The following DOCK9 variants were observed in gnomAD, a reference collection of about 807,000 sequenced individuals.
The protein encoded by DOCK9 is dedicator of cytokinesis protein 9.
In DOCK9, 89 loss-of-function variants were observed where a neutral mutation model predicts 263.3. The observed-to-expected ratio is 0.34, with a 90% CI of 0.28 to 0.40. The LOEUF is 0.40. Ranked by LOEUF, DOCK9 falls within the 10% of genes least tolerant of loss-of-function variation. DOCK9 has a pLI of 1.00. For missense variants in DOCK9, 2,140 were observed against 2,603.4 expected, an observed-to-expected ratio of 0.82 and a Z score of 3.87; for synonymous variants, 976 against 973.1, an observed-to-expected ratio of 1.00 and a Z score of -0.06.
chr13:99,049,443 CA>C (rs1056145755), intron 1 of DOCK9, among the ~76,000 whole-genome samples: 5 of 151,354 alleles, frequency 3.3e-5, no homozygotes, highest in African/African-American at 1.2e-4. Context: ...GTCCCAGCTA[CA>C]AAAAAAGGAA....
At chr13:98,909,954 A>C (rs2049744051) in intron 9 of DOCK9, among the ~76,000 whole-genome samples, 1 of 152,202 alleles carries the variant, frequency 6.6e-6, no homozygotes, top group African/African-American at 2.4e-5. Flanking sequence ...ACAAAGTTAA[A>C]AGGTAAAAGG....
intron 1 of DOCK9, among the ~76,000 whole-genome samples, chr13:98,991,775 G>A (rs1049649535): frequency 9.9e-5 from 15 of 151,858 alleles, no homozygotes; most frequent in African/African-American, 2.9e-4. Context: ...CTAGGCAGTC[G>A]ACTTTCCAAT....
chr13:98,795,318 G>T (rs1417951138), intron 52 of DOCK9, among the ~76,000 whole-genome samples: 1 of 152,130 alleles, frequency 6.6e-6, no homozygotes, highest in Non-Finnish European at 1.5e-5. Context: ...GGGAGAGGGT[G>T]GCTACTCCTC....
chr13:98,846,663 G>A lies in DOCK9; in HGVS notation c.4062-603C>T, dbSNP rs139159781. 38 of 795,376 alleles carry A rather than the reference G, an allele frequency of 4.8e-5. No individual in the cohort carries two copies. In the African/African-American group the frequency reaches 6.3e-4, roughly 13 times the overall value. 49.3% of individuals were successfully genotyped at this position (795,376 alleles called of 1,614,324 possible). A position where few individuals can be genotyped will look rare whatever the true frequency, so the allele number is the denominator to read the frequency against. Reference sequence around the variant, plus strand: ...CCAGAGCAGATGAAAATGAGACCAGGGCTGCAATGACACCTGTCCCCTGTC... The same window carrying A: ...CCAGAGCAGATGAAAATGAGACCAGAGCTGCAATGACACCTGTCCCCTGTC... On this transcript the variant is annotated intron_variant, in intron 37 of 52. Coordinates refer to ENST00000682017, the MANE Select transcript of DOCK9 (RefSeq NM_001366683.2).
At chr13:98,882,899 C>T (rs2045045373) in intron 23 of DOCK9, 143 bp downstream of exon 23, 1 of 647,844 alleles carries the variant, frequency 1.5e-6, no homozygotes, top group Non-Finnish European at 2.7e-6. Flanking sequence ...CTTCTTACCA[C>T]TATCTAAACC....
chr13:98,952,812 G>T (rs181504080), intron 2 of DOCK9, among the ~76,000 whole-genome samples: 7 of 152,258 alleles, frequency 4.6e-5, no homozygotes, highest in Admixed American at 3.3e-4. Flanking sequence ...GGCAGAAATG[G>T]ACACCAAGTT....
chr13:98,832,555 T>C (rs934108474), intron 39 of DOCK9, among the ~76,000 whole-genome samples: 2 of 152,214 alleles, frequency 1.3e-5, no homozygotes, highest in Non-Finnish European at 2.9e-5. Flanking sequence ...GATTTCCTCA[T>C]GTCAGTAGAA....
intron 45 of DOCK9, among the ~76,000 whole-genome samples, chr13:98,819,009 T>A (rs117143284): frequency 0.034 from 5,218 of 152,358 alleles, 127 homozygotes; most frequent in Middle Eastern, 0.088. Flanking sequence ...CATTTGGGAA[T>A]AACTGCAAAT....
intron 27 of DOCK9, among the ~76,000 whole-genome samples, chr13:98,876,841 A>C (rs781152639): frequency 4.7e-4 from 71 of 152,202 alleles, no homozygotes; most frequent in Non-Finnish European, 9.6e-4. Flanking sequence ...TAAAAGTGAA[A>C]ATGTTGAACC....
At chr13:98,826,690 G>T in intron 44 of DOCK9, 140 bp downstream of exon 44, 2 of 654,884 alleles carry the variant, frequency 3.1e-6, no homozygotes, top group Non-Finnish European at 2.6e-6. Context: ...CAAACATCAC[G>T]CCAGGGGATA....
chr13:99,062,224 G>T (rs1193810310), intron 1 of DOCK9, among the ~76,000 whole-genome samples: 1 of 152,140 alleles, frequency 6.6e-6, no homozygotes, highest in Non-Finnish European at 1.5e-5. Flanking sequence ...CATCTGACAA[G>T]CCAACTTCTT....
intron 1 of DOCK9, among the ~76,000 whole-genome samples, chr13:99,077,130 C>G (rs2041940560): frequency 6.6e-6 from 1 of 152,040 alleles, no homozygotes; most frequent in Non-Finnish European, 1.5e-5. Context: ...GTTTGTATCC[C>G]AAGGGCAATG....
At chr13:98,861,286 G>A (rs1175797989) in intron 32 of DOCK9, among the ~76,000 whole-genome samples, 7 of 152,170 alleles carry the variant, frequency 4.6e-5, no homozygotes, top group African/African-American at 1.7e-4. Flanking sequence ...GTAATTGGAG[G>A]TGAAGAGGTA....
chr13:98,916,333 T>C (rs1440641627), intron 7 of DOCK9, among the ~76,000 whole-genome samples: 1 of 152,158 alleles, frequency 6.6e-6, no homozygotes, highest in East Asian at 1.9e-4. Context: ...TCTCCCCAGG[T>C]TGGCCGCAGT....
At chr13:98,997,256 C>T (rs1194205389) in intron 1 of DOCK9, among the ~76,000 whole-genome samples, 1 of 152,238 alleles carries the variant, frequency 6.6e-6, no homozygotes, top group Non-Finnish European at 1.5e-5. Context: ...AGCTGTGGCC[C>T]TCTGTGGATC....
chr13:99,086,625 G>T (rs2042350600), exon 1 of DOCK9: 1 of 146,828 alleles, frequency 6.8e-6, no homozygotes, highest in Admixed American at 6.8e-5. Flanking sequence ...TGCGTGTGGC[G>T]GCGGCGGCTC....
chr13:98,871,403 G>C (rs1207364439), intron 27 of DOCK9, among the ~76,000 whole-genome samples: 1 of 152,230 alleles, frequency 6.6e-6, no homozygotes, highest in Non-Finnish European at 1.5e-5. Context: ...CATTAGTGCT[G>C]TTCAGTGACT....
At chr13:98,888,808 T>C (rs1368350935) in intron 15 of DOCK9, 97 bp from the exon 16 acceptor site, 2 of 1,060,580 alleles carry the variant, frequency 1.9e-6, no homozygotes, top group African/African-American at 1.6e-5. Context: ...AAGCAAGCCA[T>C]AAAGACAATT....
At chr13:98,888,745 G>A (rs370296163) in intron 15 of DOCK9, 34 bp from the exon 16 acceptor site, 134 of 1,572,458 alleles carry the variant, frequency 8.5e-5, no homozygotes, top group Middle Eastern at 1.8e-4. Flanking sequence ...TTAAACATTC[G>A]TAAGTTAACT....
Sources: allele counts gnomAD v4.1 joint callset (sites outside exome capture counted in the v4.1 genomes callset), GRCh38; gene constraint gnomAD v4.1.1; transcripts MANE v1.5; gene names NCBI Gene and HGNC (gene_info 2026-07-23, HGNC 2026-07-21).